Variants in CTNND2 observed in about 807,000 individuals in gnomAD.
The protein encoded by CTNND2 is catenin delta 2.
In CTNND2, 22 loss-of-function variants were observed where a neutral mutation model predicts 144.4. The observed-to-expected ratio is 0.15, with a 90% confidence interval of 0.11 to 0.22. CTNND2 has a LOEUF of 0.22. Among genes scored for constraint, CTNND2 ranks in the 10% least tolerant of loss-of-function variants. CTNND2 has a pLI of 1.00. For missense variants in CTNND2, 1,353 were observed against 1,618.8 expected (o/e 0.84, Z 2.82); for synonymous variants, 751 against 695.6 (o/e 1.08, Z -1.25).
intron 2 of CTNND2, among the ~76,000 whole-genome samples, chr5:11,661,504 C>T (rs1021441438): frequency 2.2e-4 from 34 of 152,150 alleles, no homozygotes; most frequent in African/African-American, 8.0e-4. Flanking sequence ...TCTAAGATGT[C>T]TTCCAAATAA....
chr5:11,206,455 T>C (rs1322304997), intron 10 of CTNND2, among the ~76,000 whole-genome samples: 1 of 152,208 alleles, frequency 6.6e-6, no homozygotes, highest in Admixed American at 6.5e-5. Flanking sequence ...ACAAAAAATT[T>C]CAAGCGATTC....
intron 7 of CTNND2, among the ~76,000 whole-genome samples, chr5:11,383,216 G>A (rs1758696099): frequency 6.6e-6 from 1 of 152,034 alleles, no homozygotes; most frequent in South Asian, 2.1e-4. Flanking sequence ...TAGGACGCCT[G>A]GACTCCCTGC....
At chr5:11,149,462 C>T (rs995620713) in intron 12 of CTNND2, among the ~76,000 whole-genome samples, 3 of 152,186 alleles carry the variant, frequency 2.0e-5, no homozygotes, top group African/African-American at 7.2e-5. Flanking sequence ...CACGGCCATC[C>T]TCACATACAA....
intron 10 of CTNND2, among the ~76,000 whole-genome samples, chr5:11,230,857 G>A (rs140131758): frequency 1.3e-5 from 2 of 152,300 alleles, no homozygotes; most frequent in South Asian, 4.1e-4. Flanking sequence ...AGAGAACTCA[G>A]TGGAATTCAA....
At chr5:11,483,116 G>A (rs1182715774) in intron 3 of CTNND2, among the ~76,000 whole-genome samples, 1 of 152,194 alleles carries the variant, frequency 6.6e-6, no homozygotes, top group Non-Finnish European at 1.5e-5. Context: ...GAGGACAGTA[G>A]TGGTGGCAGC....
chr5:11,800,619 T>G (rs1460612096), intron 1 of CTNND2, among the ~76,000 whole-genome samples: 1 of 152,156 alleles, frequency 6.6e-6, no homozygotes, highest in Non-Finnish European at 1.5e-5. Context: ...TTCCGTCCAT[T>G]AGAGAAACTT....
intron 6 of CTNND2, among the ~76,000 whole-genome samples, chr5:11,394,324 T>C (rs1759882909): frequency 6.6e-6 from 1 of 152,188 alleles, no homozygotes; most frequent in South Asian, 2.1e-4. Flanking sequence ...GCTCATGGCA[T>C]CAATTGGCAC....
intron 3 of CTNND2, among the ~76,000 whole-genome samples, chr5:11,553,314 T>C (rs1310953701): frequency 6.6e-6 from 1 of 152,204 alleles, no homozygotes; most frequent in Admixed American, 6.5e-5. Context: ...CTAGACTATA[T>C]TATGAAGGAG....
intron 7 of CTNND2, among the ~76,000 whole-genome samples, chr5:11,375,746 C>T (rs1055558785): frequency 2.0e-5 from 3 of 152,092 alleles, no homozygotes; most frequent in African/African-American, 7.3e-5. Context: ...TGGTTTTGTA[C>T]CCTAGTGATG....
intron 9 of CTNND2, among the ~76,000 whole-genome samples, chr5:11,292,334 C>A (rs1447943106): frequency 6.6e-6 from 1 of 151,996 alleles, no homozygotes; most frequent in African/African-American, 2.4e-5. Context: ...AGGGTGGGCC[C>A]CCAATCCAAT....
intron 2 of CTNND2, among the ~76,000 whole-genome samples, chr5:11,592,998 A>T (rs1779328657): frequency 6.6e-6 from 1 of 151,948 alleles, no homozygotes; most frequent in Non-Finnish European, 1.5e-5. Flanking sequence ...TGCAGTGCAG[A>T]GGGAAAGATA....
intron 2 of CTNND2, among the ~76,000 whole-genome samples, chr5:11,721,810 G>T (rs1786704618): frequency 6.6e-6 from 1 of 152,232 alleles, no homozygotes; most frequent in Admixed American, 6.5e-5. Flanking sequence ...TAGGCAGGAG[G>T]TCTACTTCCC....
chr5:11,018,071 A>C lies in CTNND2; in HGVS notation c.3000-13T>G. 1.2e-6 allele frequency: 2 copies of C among 1,600,400 alleles called. No individual in the cohort carries two copies. The highest frequency in any genetic ancestry group is 1.7e-6 in the Non-Finnish European group (2 of 1,167,792). The stretch of plus-strand genomic sequence containing the variant: ...TTTTGGAGAGTGTCTGATGAAGAAA[A>C]GACAGGAAAGGCAAGATGTGAGTGG... On this transcript the variant is annotated splice_polypyrimidine_tract_variant and intron_variant, in intron 17 of 21. Coordinates refer to ENST00000304623, the MANE Select transcript of CTNND2 (RefSeq NM_001332.4).
chr5:11,132,869 C>T (rs1461555953), intron 12 of CTNND2, among the ~76,000 whole-genome samples: 1 of 152,172 alleles, frequency 6.6e-6, no homozygotes, highest in Non-Finnish European at 1.5e-5. Flanking sequence ...GAAATTTACC[C>T]ATCTCTGCTA....
intron 16 of CTNND2, among the ~76,000 whole-genome samples, chr5:11,045,045 C>A (rs1362560459): frequency 6.6e-6 from 1 of 152,196 alleles, no homozygotes; most frequent in East Asian, 1.9e-4. Flanking sequence ...CTGGAAGTCA[C>A]AAGTCTGAAA....
chr5:11,253,730 T>C (rs1743913209), intron 9 of CTNND2, among the ~76,000 whole-genome samples: 1 of 152,238 alleles, frequency 6.6e-6, no homozygotes, highest in South Asian at 2.1e-4. Context: ...AGAGTTATGC[T>C]ATTTGTTGAT....
Position 11,733,023 on chromosome 5 carries a change from G to A in CTNND2, c.38-751C>T, listed in dbSNP as rs529743677. ...GTTCCTGGAAAGTGGCACATCGGGA[G>A]GGCTTGGAAGCTCTGCACCTCTTCC... On this transcript the variant is annotated intron_variant, in intron 1 of 21. Coordinates refer to ENST00000304623, the MANE Select transcript of CTNND2 (RefSeq NM_001332.4). 1.4e-4 allele frequency among the ~76,000 whole-genome samples: 21 copies of A among 152,248 alleles called. No individual in the cohort carries two copies. In the South Asian group the frequency reaches 1.5e-3, roughly 11 times the overall value.
At chr5:11,486,283 G>T (rs1408441906) in intron 3 of CTNND2, among the ~76,000 whole-genome samples, 1 of 152,050 alleles carries the variant, frequency 6.6e-6, no homozygotes, top group Non-Finnish European at 1.5e-5. Flanking sequence ...GATCACACTG[G>T]GTGATAATAT....
intron 7 of CTNND2, among the ~76,000 whole-genome samples, chr5:11,380,242 C>A (rs1758345633): frequency 1.3e-5 from 2 of 152,114 alleles, no homozygotes; most frequent in Non-Finnish European, 2.9e-5. Context: ...CTGCATATGC[C>A]CAACACAGAC....
Sources: allele counts gnomAD v4.1 joint callset (sites outside exome capture counted in the v4.1 genomes callset), GRCh38; gene constraint gnomAD v4.1.1; transcripts MANE v1.5; gene names NCBI Gene and HGNC (gene_info 2026-07-23, HGNC 2026-07-21).